TAFA4: variants seen among roughly 807,000 people sequenced by gnomAD.
The protein encoded by TAFA4 is chemokine-like protein TAFA-4.
Under a neutral mutation model 21.1 loss-of-function variants are expected in TAFA4, and 20 were observed. The ratio of observed to expected loss-of-function variants is 0.95; its 90% confidence interval spans 0.67 to 1.38. The LOEUF (loss-of-function observed/expected upper bound fraction) is 1.38. TAFA4 is among the 40% of genes most tolerant of loss of function. The pLI, the probability that TAFA4 is intolerant of heterozygous loss-of-function variation, is 0.00. For synonymous variants in TAFA4, 71 were observed against 67.4 expected (o/e 1.05, Z -0.26); for missense variants, 211 against 180.9 (o/e 1.17, Z -0.95).
At chr3:68,906,131 G>A (rs2089898365) in intron 1 of TAFA4, among the ~76,000 whole-genome samples, 1 of 152,248 alleles carries the variant, frequency 6.6e-6, no homozygotes, top group Non-Finnish European at 1.5e-5. Flanking sequence ...CAGGTCAGAT[G>A]TGGAAGTAGG....
At chr3:68,769,212 C>T (rs1353693827) in intron 3 of TAFA4, among the ~76,000 whole-genome samples, 1 of 152,144 alleles carries the variant, frequency 6.6e-6, no homozygotes, top group African/African-American at 2.4e-5. Flanking sequence ...AGGTTGCACG[C>T]TCCTTATGAG....
intron 1 of TAFA4, among the ~76,000 whole-genome samples, chr3:68,925,911 A>G (rs530460035): frequency 1.2e-4 from 19 of 152,296 alleles, no homozygotes; most frequent in African/African-American, 4.6e-4. Context: ...CACAGATCAT[A>G]TGATGTATGA....
intron 3 of TAFA4, among the ~76,000 whole-genome samples, chr3:68,799,753 C>CCTGTCTCCCCTAGAGCAG (rs1553642460): frequency 2.6e-5 from 4 of 151,790 alleles, no homozygotes; most frequent in Non-Finnish European, 5.9e-5. Flanking sequence ...GCAAAGAGAT[C>CCTGTCTCCCCTAGAGCAG]GTGTCTCCAA....
chr3:68,896,666 G>A (rs1331256601), intron 1 of TAFA4, among the ~76,000 whole-genome samples: 1 of 152,176 alleles, frequency 6.6e-6, no homozygotes, highest in Non-Finnish European at 1.5e-5. Context: ...CGCAGGCTAA[G>A]GTTGTGACGA....
chr3:68,834,452 CCAAA>C lies in TAFA4; in HGVS notation c.130+46274_130+46277del, dbSNP rs529526342. 4.6e-5 allele frequency among the ~76,000 whole-genome samples: 7 copies of C among 152,150 alleles called. No individual in the cohort carries two copies. In the South Asian group the frequency reaches 1.2e-3, roughly 27 times the overall value. On this transcript the variant is annotated intron_variant, in intron 3 of 5. Transcript: ENST00000295569. ...GTGTCATTTACTGTGCTCATAAAAC[CCAAA>C]CAATCGATACAAAATACTAACAGCT... is the stretch of plus-strand genomic sequence containing the variant.
At chr3:68,745,235 C>T (rs1431582838) in intron 4 of TAFA4, among the ~76,000 whole-genome samples, 1 of 152,192 alleles carries the variant, frequency 6.6e-6, no homozygotes. Flanking sequence ...TTCAGCCTCA[C>T]TAGCAGGGAC....
At chr3:68,930,839 C>CAA (rs767074652) in intron 1 of TAFA4, among the ~76,000 whole-genome samples, 3 of 152,196 alleles carry the variant, frequency 2.0e-5, no homozygotes, top group Non-Finnish European at 2.9e-5. Flanking sequence ...AAGAATTCTT[C>CAA]AAGTCATACA....
At chr3:68,884,443 T>C (rs1339833300) in intron 2 of TAFA4, among the ~76,000 whole-genome samples, 1 of 152,234 alleles carries the variant, frequency 6.6e-6, no homozygotes, top group Non-Finnish European at 1.5e-5. Context: ...TCTAGTTTCC[T>C]TCTTCTAGGC....
chr3:68,767,155 G>A (rs183539601), intron 3 of TAFA4, among the ~76,000 whole-genome samples: 1 of 152,226 alleles, frequency 6.6e-6, no homozygotes, highest in East Asian at 1.9e-4. Context: ...TAGTGCACCT[G>A]TCACCCAAGT....
chr3:68,855,878 C>T (rs1325793407), intron 3 of TAFA4, among the ~76,000 whole-genome samples: 1 of 152,058 alleles, frequency 6.6e-6, no homozygotes, highest in Admixed American at 6.6e-5. Context: ...GTACCATTCT[C>T]CTGACAGAAA....
chr3:68,800,638 A>C (rs2046830), intron 3 of TAFA4, among the ~76,000 whole-genome samples: 67,959 of 151,922 alleles, frequency 0.45, 15,508 homozygotes, highest in African/African-American at 0.46. Flanking sequence ...TCCACACTCA[A>C]CTCCCCAACT....
At chr3:68,825,901 A>G (rs1704217879) in intron 3 of TAFA4, among the ~76,000 whole-genome samples, 2 of 152,196 alleles carry the variant, frequency 1.3e-5, no homozygotes, top group African/African-American at 4.8e-5. Context: ...CAGTTCAAAC[A>G]TGATTCAGGC....
chr3:68,830,865 G>A (rs1056862107), intron 3 of TAFA4, among the ~76,000 whole-genome samples: 1 of 152,096 alleles, frequency 6.6e-6, no homozygotes, highest in Non-Finnish European at 1.5e-5. Flanking sequence ...TATGAATCTG[G>A]GTGTTCCTGT....
At chr3:68,769,197 G>A (rs1702908462) in intron 3 of TAFA4, among the ~76,000 whole-genome samples, 1 of 152,122 alleles carries the variant, frequency 6.6e-6, no homozygotes, top group Non-Finnish European at 1.5e-5. Flanking sequence ...ACATGGGAGG[G>A]ATCTAGGTTG....
intron 3 of TAFA4, among the ~76,000 whole-genome samples, chr3:68,879,195 A>G (rs551614208): frequency 6.6e-6 from 1 of 152,018 alleles, no homozygotes; most frequent in African/African-American, 2.4e-5. Context: ...TGCAGATAAC[A>G]CTCTGCAACT....
At chr3:68,755,268 C>G (rs1702640042) in intron 3 of TAFA4, among the ~76,000 whole-genome samples, 2 of 152,154 alleles carry the variant, frequency 1.3e-5, no homozygotes, top group Admixed American at 1.3e-4. Context: ...ATCCATTTAT[C>G]AGGAGTCTTT....
intron 3 of TAFA4, among the ~76,000 whole-genome samples, chr3:68,809,706 A>G (rs1289836509): frequency 2.6e-5 from 4 of 152,032 alleles, no homozygotes; most frequent in Non-Finnish European, 5.9e-5. Flanking sequence ...TCTTATCTTT[A>G]ACTGCATTTT....
intron 1 of TAFA4, among the ~76,000 whole-genome samples, chr3:68,908,241 G>A (rs1251166491): frequency 6.6e-6 from 1 of 152,134 alleles, no homozygotes; most frequent in Non-Finnish European, 1.5e-5. Flanking sequence ...GAGACACAGA[G>A]GTTAACATTT....
At chr3:68,734,448 C>T (rs1419621275) in intron 5 of TAFA4, among the ~76,000 whole-genome samples, 5 of 152,024 alleles carry the variant, frequency 3.3e-5, no homozygotes, top group African/African-American at 1.2e-4. Context: ...CTCTTCTATA[C>T]AGGATGTCAA....
Sources: allele counts gnomAD v4.1 joint callset (sites outside exome capture counted in the v4.1 genomes callset), GRCh38; gene constraint gnomAD v4.1.1; transcripts MANE v1.5; gene names NCBI Gene and HGNC (gene_info 2026-07-23, HGNC 2026-07-21).